The following CACNA2D3 variants were observed in gnomAD, a reference collection of about 807,000 sequenced individuals.
CACNA2D3 encodes the protein voltage-dependent calcium channel subunit alpha-2/delta-3.
CACNA2D3 carries 60 observed loss-of-function variants against 160.6 expected under a neutral mutation model. The observed-to-expected ratio is 0.37, with a 90% CI of 0.30 to 0.46. CACNA2D3 has a LOEUF of 0.46. Among genes scored for constraint, CACNA2D3 ranks in the 20% least tolerant of loss-of-function variants. CACNA2D3 has a pLI of 1.00. For missense variants in CACNA2D3, 1,205 were observed against 1,365.0 expected (o/e 0.88, Z 1.85); for synonymous variants, 558 against 492.9 (o/e 1.13, Z -1.75).
intron 2 of CACNA2D3, among the ~76,000 whole-genome samples, chr3:54,249,701 C>T (rs1702148828): frequency 7.1e-6 from 1 of 141,174 alleles, no homozygotes; most frequent in Non-Finnish European, 1.5e-5. Context: ...ACACACACCC[C>T]TCATCCTATT....
At chr3:54,859,434 C>G (rs1699237318) in intron 17 of CACNA2D3, among the ~76,000 whole-genome samples, 1 of 152,154 alleles carries the variant, frequency 6.6e-6, no homozygotes, top group African/African-American at 2.4e-5. Context: ...GGTTGCTAGG[C>G]AAAGGGAAAC....
At chr3:54,318,814 C>G (rs961680617) in intron 2 of CACNA2D3, among the ~76,000 whole-genome samples, 8 of 151,548 alleles carry the variant, frequency 5.3e-5, no homozygotes, top group Admixed American at 3.9e-4. Context: ...TCCACTTCAG[C>G]TCACCAAGCA....
In CACNA2D3 at chr3:54,252,858, G is replaced by A. The variant is rs150698605; in HGVS notation, c.205-67584G>A. On this transcript the variant is annotated intron_variant, in intron 2 of 37. Transcript: ENST00000474759. ...AAGTAGAGAGGTAGCAGAAAGAGAA[G>A]TGCAGCAGGATTAAGCCCCCCGGGA... is the stretch of plus-strand genomic sequence containing the variant. Among the ~76,000 whole-genome samples the A allele has an allele frequency of 4.0e-5, 6 of 148,296 alleles. No homozygotes were observed. In the East Asian group the frequency reaches 1.2e-3, roughly 29 times the overall value.
intron 2 of CACNA2D3, among the ~76,000 whole-genome samples, chr3:54,124,517 A>T (rs1031905908): frequency 6.6e-6 from 1 of 152,214 alleles, no homozygotes; most frequent in Non-Finnish European, 1.5e-5. Flanking sequence ...AACAGCTTAA[A>T]TTGTTAAGTT....
chr3:54,906,274 G>A (rs1292258257), intron 27 of CACNA2D3, among the ~76,000 whole-genome samples: 1 of 152,126 alleles, frequency 6.6e-6, no homozygotes, highest in Admixed American at 6.5e-5. Context: ...TTGATTTCTA[G>A]TAGTGGTAAA....
chr3:54,644,109 G>A (rs756743485), intron 11 of CACNA2D3, among the ~76,000 whole-genome samples: 59 of 152,062 alleles, frequency 3.9e-4, no homozygotes, highest in Admixed American at 3.9e-3. Context: ...TAAATGCCCT[G>A]TCCTTACTTG....
intron 5 of CACNA2D3, among the ~76,000 whole-genome samples, chr3:54,551,542 G>C (rs1702156835): frequency 6.6e-6 from 1 of 152,162 alleles, no homozygotes. Flanking sequence ...AGCTTGACCA[G>C]TGCAGATTTG....
intron 9 of CACNA2D3, among the ~76,000 whole-genome samples, chr3:54,595,998 C>T (rs1702946540): frequency 6.6e-6 from 1 of 152,108 alleles, no homozygotes; most frequent in African/African-American, 2.4e-5. Flanking sequence ...ACAATTTTAA[C>T]CAATTTGGCT....
chr3:54,502,062 T>C (rs1644354773), intron 4 of CACNA2D3, among the ~76,000 whole-genome samples: 1 of 152,252 alleles, frequency 6.6e-6, no homozygotes, highest in African/African-American at 2.4e-5. Context: ...TTCAAGATTT[T>C]CTCTTTTTCT....
intron 3 of CACNA2D3, among the ~76,000 whole-genome samples, chr3:54,378,078 A>G (rs1352880509): frequency 6.6e-6 from 1 of 152,210 alleles, no homozygotes. Context: ...GCTGGAACAG[A>G]ATTTTATTCA....
chr3:55,024,681 A>G (rs182981569), intron 35 of CACNA2D3, among the ~76,000 whole-genome samples: 26 of 152,268 alleles, frequency 1.7e-4, no homozygotes, highest in African/African-American at 5.5e-4. Flanking sequence ...TCCGTTGTTT[A>G]TAAATTACCC....
chr3:54,923,795 A>G (rs1459307993), intron 27 of CACNA2D3, among the ~76,000 whole-genome samples: 1 of 152,200 alleles, frequency 6.6e-6, no homozygotes, highest in African/African-American at 2.4e-5. Flanking sequence ...TGGGCAAGTC[A>G]CTGAACCTCT....
At chr3:54,963,992 C>A (rs1414676121) in intron 27 of CACNA2D3, among the ~76,000 whole-genome samples, 1 of 152,194 alleles carries the variant, frequency 6.6e-6, no homozygotes, top group Non-Finnish European at 1.5e-5. Context: ...AACAGTCACA[C>A]AGATAGTTCA....
Position 54,525,586 on chromosome 3 carries a change from C to T in CACNA2D3, c.544+21932C>T, listed in dbSNP as rs141990990. Among the ~76,000 whole-genome samples, 28 of 152,178 alleles carry T rather than the reference C, an allele frequency of 1.8e-4. 1 individual carries two copies. In the East Asian group the frequency reaches 3.7e-3, roughly 20 times the overall value. ...TATTCATTTTTAAAAAATAGCTATG[C>T]TGGATATAGGATTTTTGGTTGACAG... On this transcript the variant is annotated intron_variant, in intron 5 of 37. Transcript: ENST00000474759.
chr3:54,272,394 A>G (rs67785994), intron 2 of CACNA2D3, among the ~76,000 whole-genome samples: 23,060 of 152,100 alleles, frequency 0.15, 2,130 homozygotes, highest in South Asian at 0.21. Flanking sequence ...GGGGCCATCT[A>G]TGGCTCCTTA....
At chr3:54,727,591 G>A (rs1701302590) in intron 11 of CACNA2D3, among the ~76,000 whole-genome samples, 2 of 152,204 alleles carry the variant, frequency 1.3e-5, no homozygotes, top group Admixed American at 6.5e-5. Context: ...AACAGGATGA[G>A]TTCATGTCCT....
At chr3:54,658,929 G>A (rs981295155) in intron 11 of CACNA2D3, among the ~76,000 whole-genome samples, 1 of 152,056 alleles carries the variant, frequency 6.6e-6, no homozygotes, top group African/African-American at 2.4e-5. Flanking sequence ...TCTCAGGCAT[G>A]CAAGATACAC....
intron 17 of CACNA2D3, among the ~76,000 whole-genome samples, chr3:54,857,118 A>T (rs1419897647): frequency 6.6e-6 from 1 of 152,178 alleles, no homozygotes; most frequent in Non-Finnish European, 1.5e-5. Context: ...AGGATGAGAA[A>T]AACTGTGGAG....
intron 8 of CACNA2D3, among the ~76,000 whole-genome samples, chr3:54,574,301 G>T (rs367606518): frequency 2.0e-5 from 3 of 152,160 alleles, no homozygotes; most frequent in East Asian, 3.9e-4. Context: ...AATGGAGGTC[G>T]GAGGAAAGAG....
Sources: gnomAD v4.1 joint callset for allele counts (sites outside exome capture counted in the v4.1 genomes callset) on GRCh38, gnomAD v4.1.1 for gene constraint, MANE v1.5 for transcripts, NCBI Gene and HGNC (gene_info 2026-07-23, HGNC 2026-07-21) for gene names.